Variants in DGLUCY observed in about 807,000 individuals in gnomAD.
DGLUCY encodes D-glutamate cyclase.
DGLUCY carries 58 observed loss-of-function variants against 58.5 expected under a neutral mutation model. The ratio of observed to expected loss-of-function variants is 0.99; its 90% CI spans 0.80 to 1.23. The LOEUF is 1.23. Among genes scored for constraint, DGLUCY ranks in the 50% most tolerant of loss-of-function variants. The pLI, the probability that DGLUCY is intolerant of heterozygous loss-of-function variation, is 0.00. For synonymous variants in DGLUCY, 325 were observed against 314.1 expected, an observed-to-expected ratio of 1.03 and a Z score of -0.37; for missense variants, 779 against 784.7, an observed-to-expected ratio of 0.99 and a Z score of 0.09.
chr14:91,188,467 C>A (rs1295316170), intron 8 of DGLUCY, among the ~76,000 whole-genome samples: 1 of 151,964 alleles, frequency 6.6e-6, no homozygotes, highest in East Asian at 1.9e-4. Context: ...CCACAGCCCT[C>A]AAAAAAACAA....
chr14:91,060,431 C>A, exon 1 of DGLUCY: 1 of 1,480,726 alleles, frequency 6.8e-7, no homozygotes, highest in Non-Finnish European at 9.0e-7. Context: ...CCCTCCTCCT[C>A]CATCTTCTCC....
At chr14:91,169,474 A>G (rs1353967209) in intron 4 of DGLUCY, among the ~76,000 whole-genome samples, 1 of 150,372 alleles carries the variant, frequency 6.7e-6, no homozygotes, top group African/African-American at 2.5e-5. Context: ...CAGTGGCACG[A>G]TCTCGGCTCA....
chr14:91,143,387 G>A (rs771018912), intron 1 of DGLUCY, among the ~76,000 whole-genome samples: 2 of 152,064 alleles, frequency 1.3e-5, no homozygotes, highest in African/African-American at 2.4e-5. Flanking sequence ...GAGCCACCGC[G>A]CCTGGCAGCA....
chr14:91,139,831 A>G (rs1288468663), intron 1 of DGLUCY, among the ~76,000 whole-genome samples: 1 of 152,218 alleles, frequency 6.6e-6, no homozygotes, highest in African/African-American at 2.4e-5. Context: ...GGTTAAGGAC[A>G]AGCCCAGGAG....
At chr14:91,089,478 A>G (rs985020889) in intron 1 of DGLUCY, among the ~76,000 whole-genome samples, 2 of 152,206 alleles carry the variant, frequency 1.3e-5, no homozygotes, top group Admixed American at 1.3e-4. Flanking sequence ...CTGTCGCCTT[A>G]TAAACTAGGG....
intron 2 of DGLUCY, among the ~76,000 whole-genome samples, chr14:91,158,026 G>A (rs2047762835): frequency 6.6e-6 from 1 of 152,194 alleles, no homozygotes; most frequent in South Asian, 2.1e-4. Context: ...GGCAAATGAG[G>A]ACGGTTATCA....
intron 1 of DGLUCY, among the ~76,000 whole-genome samples, chr14:91,074,837 C>G (rs568551738): frequency 2.4e-4 from 36 of 152,156 alleles, no homozygotes; most frequent in African/African-American, 8.0e-4. Context: ...CTTTGGGAGG[C>G]TGAGGCTGGC....
In DGLUCY at chr14:91,180,440, C is replaced by T. The variant is rs372830727; in HGVS notation, c.731-746C>T. On this transcript the variant is annotated intron_variant, in intron 7 of 13. Transcript: ENST00000256324. Reference sequence around the variant, plus strand: ...TACTAAAATTAGCCAGGCGTGGTGGCGGGTGCCTGTAATCCCAGCTACTCA... The same window carrying T: ...TACTAAAATTAGCCAGGCGTGGTGGTGGGTGCCTGTAATCCCAGCTACTCA... 1.7e-4 allele frequency among the ~76,000 whole-genome samples: 26 copies of T among 151,324 alleles called. No homozygotes were observed. The East Asian group carries it at 4.4e-3, about 25-fold the overall frequency.
At chr14:91,101,221 C>G (rs926094975) in intron 1 of DGLUCY, among the ~76,000 whole-genome samples, 1 of 152,118 alleles carries the variant, frequency 6.6e-6, no homozygotes, top group African/African-American at 2.4e-5. Flanking sequence ...CAACGCTGGG[C>G]AGAAGATTCT....
rs555754253 is a variant in DGLUCY at position 91,162,100 on chromosome 14, G to T, written c.103+1703G>T. Among the ~76,000 whole-genome samples, 7 of 152,188 alleles carry T rather than the reference G, an allele frequency of 4.6e-5. No homozygotes were observed. The South Asian group carries it at 1.5e-3, about 32-fold the overall frequency. On this transcript the variant is annotated intron_variant, in intron 3 of 13. Transcript: ENST00000256324. ...CCTTTCTAAGCCTCACCTACACAAT[G>T]AAAGTAGCAGCAGAACCTTCCCAGT... is the stretch of plus-strand genomic sequence containing the variant.
chr14:91,189,245 G>A, intron 9 of DGLUCY, 75 bp downstream of exon 9: 1 of 1,551,398 alleles, frequency 6.4e-7, no homozygotes, highest in Non-Finnish European at 8.8e-7. Flanking sequence ...ATCAGCATCT[G>A]CAGTACAGAG....
intron 13 of DGLUCY, among the ~76,000 whole-genome samples, chr14:91,221,049 C>T (rs538144250): frequency 6.6e-6 from 1 of 152,220 alleles, no homozygotes; most frequent in Non-Finnish European, 1.5e-5. Context: ...TGCATCACTG[C>T]CTTGAAGTGG....
Position 91,176,987 on chromosome 14 carries a change from G to GTCTTTCTTTCTTTCTTTC in DGLUCY, c.730+946_730+947insTTCTCTTTCTTTCTTTCT, listed in dbSNP as rs564525014. Among the ~76,000 whole-genome samples the GTCTTTCTTTCTTTCTTTC allele has an allele frequency of 2.6e-4, 39 of 150,020 alleles. 1 individual carries two copies. Among genetic ancestry groups the GTCTTTCTTTCTTTCTTTC allele is most frequent in the African/African-American group, 8.8e-4 (36 of 40,680 alleles). ...CTCTCTCTCCCTTCCTTCTTGTCTT[G>GTCTTTCTTTCTTTCTTTC]TCTTTCTTTCTTTCTCTTTCTTTCT... is the stretch of plus-strand genomic sequence containing the variant. On this transcript the variant is annotated intron_variant, in intron 7 of 13. Transcript: ENST00000256324.
rs1251985245 is a variant in DGLUCY, at chr14:91,220,531, A to G, written c.1717-4153A>G. 6.6e-6 allele frequency: 3 copies of G among 456,228 alleles called. No homozygotes were observed. The Admixed American group carries it at 7.0e-5, about 11-fold the overall frequency. The allele number at this position is 456,228 out of a possible 1,614,324, so 28.3% of individuals were successfully genotyped here. On this transcript the variant is annotated intron_variant, in intron 13 of 13. Coordinates refer to ENST00000256324, the MANE Select transcript of DGLUCY (RefSeq NM_001102368.3). ...TGCCAAGGAGAGCTCCCACAGCCAG[A>G]GCAGAAGGAGGTGAAGGCCAAGACA... is the stretch of plus-strand genomic sequence containing the variant.
intron 1 of DGLUCY, among the ~76,000 whole-genome samples, chr14:91,131,567 T>A (rs2046025710): frequency 6.6e-6 from 1 of 152,150 alleles, no homozygotes; most frequent in Admixed American, 6.6e-5. Flanking sequence ...GCTGCACCCA[T>A]TAACTCGTCA....
intron 3 of DGLUCY, among the ~76,000 whole-genome samples, chr14:91,161,513 T>G (rs1490814884): frequency 6.6e-6 from 1 of 152,234 alleles, no homozygotes; most frequent in Non-Finnish European, 1.5e-5. Flanking sequence ...TCCTGACATG[T>G]CTGGCATCCA....
chr14:91,120,813 C>T (rs898268573), intron 1 of DGLUCY, among the ~76,000 whole-genome samples: 23 of 152,146 alleles, frequency 1.5e-4, no homozygotes, highest in Admixed American at 5.2e-4. Context: ...CTCAAATCAG[C>T]CCTTCCTCTC....
At chr14:91,142,371 A>G (rs1301839214) in intron 1 of DGLUCY, among the ~76,000 whole-genome samples, 4 of 152,174 alleles carry the variant, frequency 2.6e-5, no homozygotes, top group Admixed American at 2.6e-4. Flanking sequence ...ACTTCCTGTC[A>G]CAAATAGAAA....
rs781379842 is a variant in DGLUCY at position 91,100,055 on chromosome 14, C to CA, written c.-82+39371dup. Reference sequence around the variant, plus strand: ...GGGCAACAAGAGTGAAACTCTGTCTCAAAAAAAAAAAAAAAAAAAAGAAGA... The same window carrying CA: ...GGGCAACAAGAGTGAAACTCTGTCTCAAAAAAAAAAAAAAAAAAAAAGAAGA... On this transcript the variant is annotated intron_variant, in intron 1 of 4. Coordinates refer to the DGLUCY transcript ENST00000521334. Among the ~76,000 whole-genome samples the CA allele has an allele frequency of 8.4e-3, 1,095 of 130,678 alleles. 7 individuals are homozygous for CA. Among genetic ancestry groups the CA allele is most frequent in the Middle Eastern group, 0.012 (3 of 246 alleles). 85.7% of individuals were successfully genotyped at this position (130,678 alleles called of 152,430 possible).
Sources: gnomAD v4.1 joint callset for allele counts (sites outside exome capture counted in the v4.1 genomes callset) on GRCh38, gnomAD v4.1.1 for gene constraint, MANE v1.5 for transcripts, NCBI Gene and HGNC (gene_info 2026-07-23, HGNC 2026-07-21) for gene names.